AACS: variants seen among roughly 807,000 people sequenced by gnomAD.
AACS encodes acetoacetyl-CoA synthetase, also known as acetoacetate-CoA ligase.
AACS carries 69 observed loss-of-function variants against 83.1 expected under a neutral mutation model. That is an observed-to-expected ratio of 0.83 (90% CI 0.68 to 1.01). The LOEUF is 1.01. Among genes scored for constraint, AACS ranks in the 50% least tolerant of loss-of-function variants. The pLI is 0.00. For missense variants in AACS, 866 were observed against 882.2 expected (o/e 0.98, Z 0.23); for synonymous variants, 333 against 343.4 (o/e 0.97, Z 0.33).
At chr12:125,066,828 C>T (rs1022084877) in intron 1 of AACS, among the ~76,000 whole-genome samples, 3 of 152,024 alleles carry the variant, frequency 2.0e-5, no homozygotes, top group Non-Finnish European at 4.4e-5. Flanking sequence ...CTGTTGGTGG[C>T]GTCACTGTTC....
chr12:125,118,802 G>A (rs1957104198), intron 10 of AACS, 37 bp downstream of exon 10: 1 of 1,609,486 alleles, frequency 6.2e-7, no homozygotes, highest in East Asian at 2.2e-5. Flanking sequence ...GCAAGGGACA[G>A]GCAGCACCAG....
At chr12:125,105,089 C>T (rs1213562184) in intron 7 of AACS, 1 of 152,148 alleles carries the variant, frequency 6.6e-6, no homozygotes, top group African/African-American at 2.4e-5. Context: ...AGGAGATGGT[C>T]CCTGCCATTC....
intron 8 of AACS, among the ~76,000 whole-genome samples, chr12:125,111,211 G>A (rs963083125): frequency 3.3e-5 from 5 of 151,476 alleles, no homozygotes; most frequent in Non-Finnish European, 5.9e-5. Flanking sequence ...TTGGAATCGC[G>A]TTTTCCCTGT....
In AACS at chr12:125,130,738, CAG is replaced by C. The variant is rs1284620229; in HGVS notation, c.1549+1281_1549+1282del. Among the ~76,000 whole-genome samples the C allele has an allele frequency of 6.6e-6, 1 of 152,190 alleles. No homozygotes were observed. Among genetic ancestry groups the C allele is most frequent in the African/African-American group, 2.4e-5 (1 of 41,448 alleles). ...TTTTTGCCTTGGCTGCCAGGAAACT[CAG>C]AGCTGAAATAATTGCTTTGTTTTTG... is the stretch of plus-strand genomic sequence containing the variant. On this transcript the variant is annotated intron_variant, in intron 14 of 17. Coordinates refer to ENST00000316519, the MANE Select transcript of AACS (RefSeq NM_023928.5). The surrounding 1 kb of genome is among the most constrained non-coding windows in gnomAD (Gnocchi z 4.9).
chr12:125,086,855 C>CGGGCTTGCTGGAGGGAGGA (rs1398195916), intron 4 of AACS, among the ~76,000 whole-genome samples: 1 of 149,408 alleles, frequency 6.7e-6, no homozygotes, highest in Non-Finnish European at 1.5e-5. Context: ...ACATTCAATA[C>CGGGCTTGCTGGAGGGAGGA]GGGCTTGCTG....
intron 7 of AACS, chr12:125,105,663 C>T (rs940900720): frequency 6.6e-6 from 1 of 152,226 alleles, no homozygotes; most frequent in African/African-American, 2.4e-5. Flanking sequence ...GCTGGACTCC[C>T]ACTGCAGTCC....
At chr12:125,082,223 G>C (rs1040623103) in intron 3 of AACS, among the ~76,000 whole-genome samples, 12 of 148,354 alleles carry the variant, frequency 8.1e-5, no homozygotes, top group Middle Eastern at 3.6e-3. Flanking sequence ...CCAGATTGGA[G>C]TGCAGTGGTG....
At chr12:125,092,838 G>C (rs981220581) in intron 5 of AACS, 1 of 152,482 alleles carries the variant, frequency 6.6e-6, no homozygotes, top group Non-Finnish European at 1.5e-5. Context: ...GTGGAGTTCC[G>C]GACTGGACAC....
At position 125,102,767 on chromosome 12, in the gene AACS, T is replaced by C; in HGVS notation, c.659T>C (p.Met220Thr). 6.2e-7 allele frequency: 1 copy of C among 1,614,100 alleles called. No individual in the cohort carries two copies. Reference sequence around the variant, plus strand: ...TATAATGGCAAAGAGCACAACCACATGGAAAAGCTGCAGCAGGTGGTTAAA... The same window carrying C: ...TATAATGGCAAAGAGCACAACCACACGGAAAAGCTGCAGCAGGTGGTTAAA... Reference protein sequence around the residue: ...VVYNGKEHNHMEKLQQVVKGL... With the variant: ...VVYNGKEHNHTEKLQQVVKGL... The change falls in exon 6 of 18, where the codon ATG becomes ACG. Residue 220 changes from methionine to threonine, a missense_variant. By Grantham distance (81) the Met-to-Thr change is moderately conservative. Coordinates refer to ENST00000316519, the MANE Select transcript of AACS (RefSeq NM_023928.5).
chr12:125,126,012 A>C (rs936372009), intron 12 of AACS: 3 of 150,108 alleles, frequency 2.0e-5, no homozygotes, highest in African/African-American at 7.4e-5. Flanking sequence ...GCTGGAGTGC[A>C]GTGGGTGCGA....
intron 17 of AACS, chr12:125,138,830 C>G (rs1957436915): frequency 6.6e-6 from 1 of 152,106 alleles, no homozygotes; most frequent in South Asian, 2.1e-4. Flanking sequence ...GGATTTACCT[C>G]TTTTATTGCT....
intron 1 of AACS, among the ~76,000 whole-genome samples, chr12:125,071,737 C>T (rs1467669214): frequency 6.6e-6 from 1 of 152,178 alleles, no homozygotes; most frequent in Non-Finnish European, 1.5e-5. Flanking sequence ...CTTTTGCTGT[C>T]GTCTCCCAGG....
chr12:125,128,374 C>T (rs1406112202), intron 13 of AACS, 100 bp downstream of exon 13: 2 of 1,092,230 alleles, frequency 1.8e-6, no homozygotes, highest in Non-Finnish European at 2.6e-6. Context: ...TTCTCCAAAA[C>T]AGCCCTCGGA....
At chr12:125,107,365 G>C in intron 8 of AACS, 97 bp downstream of exon 8, 1 of 1,494,860 alleles carries the variant, frequency 6.7e-7, no homozygotes, top group Non-Finnish European at 9.1e-7. Context: ...TTGTCAAACT[G>C]CACCCCATCC....
At chr12:125,083,409 C>T (rs1457851202) in intron 3 of AACS, among the ~76,000 whole-genome samples, 1 of 149,922 alleles carries the variant, frequency 6.7e-6, no homozygotes, top group African/African-American at 2.4e-5. Flanking sequence ...GTGTGAATAC[C>T]AGCGGGCAGG....
rs201678229 is a variant in AACS, at chr12:125,107,103, C to T, written c.768-18C>T. The T allele has an allele frequency of 2.3e-4, 377 of 1,613,908 alleles. No individual in the cohort carries two copies. The highest frequency in any genetic ancestry group is 3.0e-4 in the Non-Finnish European group (349 of 1,180,028). On this transcript the variant is annotated intron_variant, in intron 7 of 17. Transcript: ENST00000316519. ...TCTGGGACGTTCATGGCGTGTTTCC[C>T]TGCGTTTCGGCCCACAGTGTGTTTC...
intron 2 of AACS, among the ~76,000 whole-genome samples, chr12:125,074,278 G>A (rs1323309486): frequency 6.6e-6 from 1 of 152,156 alleles, no homozygotes; most frequent in Non-Finnish European, 1.5e-5. Context: ...GGGGCTGGGT[G>A]CAGTGGCTCA....
At chr12:125,125,068 CCCCATAAGTATGCACACCTCTG>C in intron 12 of AACS, 44 bp downstream of exon 12, 1 of 1,612,558 alleles carries the variant, frequency 6.2e-7, no homozygotes, top group Non-Finnish European at 8.5e-7. Flanking sequence ...TCCCCGCCGG[CCCCATAAGTATGCACACCTCTG>C]CCCAGTGCTT....
At chr12:125,111,069 G>A (rs995783590) in intron 8 of AACS, among the ~76,000 whole-genome samples, 1 of 152,100 alleles carries the variant, frequency 6.6e-6, no homozygotes, top group Admixed American at 6.5e-5. Context: ...GGGGTGGGGG[G>A]CAAAGGCCTT....
Sources: allele counts gnomAD v4.1 joint callset (sites outside exome capture counted in the v4.1 genomes callset), GRCh38; gene constraint gnomAD v4.1.1; non-coding constraint Gnocchi (gnomAD v3.1); transcripts MANE v1.5; gene names NCBI Gene and HGNC (gene_info 2026-07-23, HGNC 2026-07-21).